DPP10: variants seen among roughly 807,000 people sequenced by gnomAD.
The protein encoded by DPP10 is inactive dipeptidyl peptidase 10.
DPP10 carries 33 observed loss-of-function variants against 120.9 expected under a neutral mutation model. The ratio of observed to expected loss-of-function variants is 0.27; its 90% CI spans 0.21 to 0.37. DPP10 has a LOEUF of 0.37. Among genes scored for constraint, DPP10 ranks in the 10% least tolerant of loss-of-function variants. The pLI, the probability that DPP10 is intolerant of heterozygous loss-of-function variation, is 1.00. For missense variants in DPP10, 816 were observed against 942.8 expected, an observed-to-expected ratio of 0.87 and a Z score of 1.76; for synonymous variants, 337 against 326.1, an observed-to-expected ratio of 1.03 and a Z score of -0.36.
Position 115,066,962 on chromosome 2 carries a change from G to A in DPP10, c.61-242277G>A, listed in dbSNP as rs1331175096. On this transcript the variant is annotated intron_variant, in intron 1 of 25. Transcript: ENST00000410059. The stretch of plus-strand genomic sequence containing the variant: ...CTCTCTGAGTAAATGTTAAGTATAC[G>A]GTACAGTATAATTAATGATAGGTAT... 4 of 151,884 alleles carry A rather than the reference G, an allele frequency of 2.6e-5. No individual in the cohort carries two copies. In the East Asian group the frequency reaches 5.8e-4, roughly 22 times the overall value. The allele number at this position is 151,884 out of a possible 1,614,324, so 9.4% of individuals were successfully genotyped here.
chr2:115,044,123 G>A (rs1433469379), intron 1 of DPP10, among the ~76,000 whole-genome samples: 4 of 151,984 alleles, frequency 2.6e-5, no homozygotes, highest in South Asian at 2.1e-4. Context: ...GTATTAGGCC[G>A]TCCTCACACT....
At chr2:114,682,281 A>T (rs1699076092) in intron 1 of DPP10, among the ~76,000 whole-genome samples, 1 of 151,902 alleles carries the variant, frequency 6.6e-6, no homozygotes, top group Non-Finnish European at 1.5e-5. Flanking sequence ...AAATTAGCCA[A>T]ATCCATTCTT....
intron 4 of DPP10, among the ~76,000 whole-genome samples, chr2:115,518,451 A>T (rs2077620816): frequency 6.6e-6 from 1 of 152,104 alleles, no homozygotes; most frequent in African/African-American, 2.4e-5. Flanking sequence ...TTGAAGCACT[A>T]CTATTTTTCT....
At chr2:115,686,080 C>T (rs554150543) in intron 5 of DPP10, among the ~76,000 whole-genome samples, 1 of 152,096 alleles carries the variant, frequency 6.6e-6, no homozygotes, top group Non-Finnish European at 1.5e-5. Flanking sequence ...GACACTGTGC[C>T]TTCCTGTTTC....
At chr2:115,499,670 A>G (rs780411777) in intron 4 of DPP10, 66 bp downstream of exon 4, 21 of 1,150,554 alleles carry the variant, frequency 1.8e-5, no homozygotes, top group Middle Eastern at 2.7e-4. Flanking sequence ...CTAGATGTAC[A>G]TAACTTTCTA....
chr2:115,777,142 A>C, intron 13 of DPP10, 66 bp from the exon 14 acceptor site: 1 of 1,426,204 alleles, frequency 7.0e-7, no homozygotes, highest in Non-Finnish European at 9.8e-7. Flanking sequence ...CAGTTGGTAC[A>C]TTCGTGTTTA....
At chr2:115,567,534 AT>A (rs35001379) in intron 5 of DPP10, among the ~76,000 whole-genome samples, 12,072 of 148,000 alleles carry the variant, frequency 0.082, 640 homozygotes, top group East Asian at 0.18. Flanking sequence ...AGATTTTCTC[AT>A]TTTTTTTTTT....
intron 1 of DPP10, among the ~76,000 whole-genome samples, chr2:115,188,061 A>AAG (rs59672278): frequency 0.13 from 18,671 of 146,814 alleles, 1,316 homozygotes; most frequent in African/African-American, 0.19. Flanking sequence ...GAGAGAGGCA[A>AAG]AGAGAGAGAG....
intron 1 of DPP10, among the ~76,000 whole-genome samples, chr2:114,501,933 C>CTTTTTTTT (rs34369425): frequency 6.4e-5 from 6 of 94,052 alleles, no homozygotes; most frequent in African/African-American, 2.2e-4. Context: ...ATTGATATTC[C>CTTTTTTTT]TTTTTTTTTT....
intron 2 of DPP10, among the ~76,000 whole-genome samples, chr2:115,339,231 C>G (rs954740909): frequency 3.3e-5 from 5 of 151,660 alleles, no homozygotes; most frequent in Admixed American, 6.6e-5. Context: ...TCATTAGCTA[C>G]TAGAGAAATG....
intron 1 of DPP10, among the ~76,000 whole-genome samples, chr2:114,505,662 C>T (rs1197419227): frequency 6.6e-6 from 1 of 152,036 alleles, no homozygotes; most frequent in Admixed American, 6.6e-5. Flanking sequence ...CATCAAGGCA[C>T]AAAGGAATAA....
At chr2:115,360,302 C>A (rs1316374044) in intron 3 of DPP10, among the ~76,000 whole-genome samples, 1 of 152,122 alleles carries the variant, frequency 6.6e-6, no homozygotes, top group Non-Finnish European at 1.5e-5. Flanking sequence ...CTTTTTCTCT[C>A]TGGAGGGTGT....
chr2:115,396,692 A>T (rs2067703167), intron 3 of DPP10, among the ~76,000 whole-genome samples: 1 of 152,202 alleles, frequency 6.6e-6, no homozygotes, highest in South Asian at 2.1e-4. Flanking sequence ...CATATGTCCT[A>T]AAGTTTAAAA....
chr2:115,347,476 T>C (rs1400127707), intron 3 of DPP10, among the ~76,000 whole-genome samples: 1 of 152,080 alleles, frequency 6.6e-6, no homozygotes, highest in Non-Finnish European at 1.5e-5. Flanking sequence ...AGAGGGATGC[T>C]AGTTTCTTTT....
intron 1 of DPP10, among the ~76,000 whole-genome samples, chr2:115,254,789 C>G (rs1268087730): frequency 6.6e-6 from 1 of 152,180 alleles, no homozygotes; most frequent in African/African-American, 2.4e-5. Flanking sequence ...CCAAAATTAT[C>G]TCCTTTGACT....
intron 5 of DPP10, among the ~76,000 whole-genome samples, chr2:115,588,566 C>T (rs1419494408): frequency 1.3e-5 from 2 of 152,206 alleles, no homozygotes; most frequent in Non-Finnish European, 2.9e-5. Flanking sequence ...CACATAGCTG[C>T]ATACCTGGGG....
intron 3 of DPP10, among the ~76,000 whole-genome samples, chr2:115,348,341 G>A (rs1000393815): frequency 6.6e-6 from 1 of 152,082 alleles, no homozygotes; most frequent in Non-Finnish European, 1.5e-5. Flanking sequence ...CTAGAAAAGT[G>A]AACAAAGTAA....
intron 5 of DPP10, among the ~76,000 whole-genome samples, chr2:115,673,342 G>A (rs529057608): frequency 6.6e-6 from 1 of 152,200 alleles, no homozygotes; most frequent in Non-Finnish European, 1.5e-5. Context: ...ATGTCATGAT[G>A]AATATATCCA....
intron 1 of DPP10, among the ~76,000 whole-genome samples, chr2:114,517,033 TCTAA>T (rs1553454886): frequency 1.3e-5 from 2 of 152,218 alleles, no homozygotes; most frequent in Admixed American, 6.5e-5. Context: ...ATTTTTTTTT[TCTAA>T]CTAACTTTAG....
Sources: gnomAD v4.1 joint callset for allele counts (sites outside exome capture counted in the v4.1 genomes callset) on GRCh38, gnomAD v4.1.1 for gene constraint, MANE v1.5 for transcripts, NCBI Gene and HGNC (gene_info 2026-07-23, HGNC 2026-07-21) for gene names.